Variants in B3GALT5 observed in about 807,000 individuals in gnomAD.
The protein encoded by B3GALT5 is UDP-Gal:betaGlcNAc beta 1,3-galactosyltransferase, polypeptide 5.
For missense variants in B3GALT5, 328 were observed against 396.6 expected (o/e 0.83, Z 1.47); for synonymous variants, 156 against 158.6 (o/e 0.98, Z 0.12).
At position 39,651,236 on chromosome 21, in the gene B3GALT5, C is replaced by T. The variant is rs938485084; in HGVS notation, c.-161+4614C>T. 3.9e-5 allele frequency among the ~76,000 whole-genome samples: 6 copies of T among 152,202 alleles called. No individual in the cohort carries two copies. The East Asian group carries it at 7.7e-4, about 20-fold the overall frequency. ...ATATAGGCACTGTCTTAGTTCCCTG[C>T]GGCTGTGGTAACAAAGCGCCTCAAA... On this transcript the variant is annotated intron_variant, in intron 2 of 3. Transcript: ENST00000684187.
At chr21:39,643,101 G>A (rs2079304618) in intron 1 of B3GALT5, among the ~76,000 whole-genome samples, 1 of 151,568 alleles carries the variant, frequency 6.6e-6, no homozygotes, top group African/African-American at 2.4e-5. Context: ...GATAGACACA[G>A]TGGGGAGGGG....
intron 1 of B3GALT5, among the ~76,000 whole-genome samples, chr21:39,638,654 C>A (rs907851372): frequency 3.1e-4 from 47 of 152,194 alleles, no homozygotes; most frequent in Non-Finnish European, 4.4e-5. Flanking sequence ...AGGGGTCTAA[C>A]TGAGCTAACA....
Position 39,661,104 on chromosome 21 carries a change from G to T in B3GALT5, c.545G>T (p.Gly182Val), listed in dbSNP as rs781050314. 6.2e-7 allele frequency: 1 copy of T among 1,614,072 alleles called. No homozygotes were observed. Among genetic ancestry groups the T allele is most frequent in the East Asian group, 2.2e-5 (1 of 44,880 alleles). ...AACAGAACAACCAGGTTTTTCACTG[G>T]CTTCTTGAAACTCAATGAGTTTCCC... ...KKNRTTRFFT[G>V]FLKLNEFPIR... is the part of the protein sequence containing the mutation. Residue 182 changes from glycine (G) to valine (V), a missense_variant, in exon 4 of 4, where the codon GGC (glycine) becomes GTC (valine). Transcript: ENST00000684187. This position sits in a 1 kb window ranked among gnomAD's most constrained non-coding sequence, Gnocchi z 4.7.
At chr21:39,647,264 A>C (rs1481690812) in intron 2 of B3GALT5, among the ~76,000 whole-genome samples, 1 of 152,240 alleles carries the variant, frequency 6.6e-6, no homozygotes, top group Non-Finnish European at 1.5e-5. Flanking sequence ...CTTGTTTGTC[A>C]AGAACAAATT....
intron 1 of B3GALT5, among the ~76,000 whole-genome samples, chr21:39,639,343 T>TTTCC (rs1569212145): frequency 1.2e-5 from 1 of 86,828 alleles, no homozygotes; most frequent in African/African-American, 4.5e-5. Context: ...TCTTTCTTTC[T>TTTCC]TTCTTTCCTT....
At chr21:39,645,758 A>G (rs188011355) in intron 1 of B3GALT5, among the ~76,000 whole-genome samples, 50 of 152,278 alleles carry the variant, frequency 3.3e-4, no homozygotes, top group African/African-American at 1.2e-3. Flanking sequence ...AACCTTTGAG[A>G]AACACCACAC....
intron 1 of B3GALT5, among the ~76,000 whole-genome samples, chr21:39,643,932 C>G (rs994944565): frequency 3.3e-5 from 5 of 152,218 alleles, no homozygotes; most frequent in Non-Finnish European, 5.9e-5. Flanking sequence ...ACTGATAGTT[C>G]TGTCAATCAA....
At chr21:39,625,710 G>A (rs763787637) in intron 1 of B3GALT5, among the ~76,000 whole-genome samples, 17 of 152,178 alleles carry the variant, frequency 1.1e-4, no homozygotes, top group Admixed American at 3.3e-4. Context: ...CCGCAGGGGC[G>A]CACACAGGGA....
At chr21:39,645,740 G>C (rs1187961878) in intron 1 of B3GALT5, among the ~76,000 whole-genome samples, 1 of 152,164 alleles carries the variant, frequency 6.6e-6, no homozygotes, top group Non-Finnish European at 1.5e-5. Flanking sequence ...CCCTGTTCCA[G>C]TTGGGACAAC....
At chr21:39,642,553 TTTTG>T (rs763794551) in intron 1 of B3GALT5, among the ~76,000 whole-genome samples, 6 of 152,234 alleles carry the variant, frequency 3.9e-5, no homozygotes, top group Admixed American at 6.5e-5. Context: ...CAAGTTTCTT[TTTTG>T]TTTGTTTGTT....
chr21:39,636,854 A>C (rs1053029060), intron 1 of B3GALT5, among the ~76,000 whole-genome samples: 4 of 152,136 alleles, frequency 2.6e-5, no homozygotes, highest in Non-Finnish European at 5.9e-5. Context: ...AGCAGAGCAC[A>C]CAGAGCATGC....
At chr21:39,651,311 G>T (rs776354324) in intron 2 of B3GALT5, among the ~76,000 whole-genome samples, 17 of 152,202 alleles carry the variant, frequency 1.1e-4, no homozygotes, top group Non-Finnish European at 2.2e-4. Context: ...TCTGGAGGCT[G>T]GAAGTCTGAG....
chr21:39,652,226 C>T (rs993442169), intron 2 of B3GALT5, among the ~76,000 whole-genome samples: 15 of 152,224 alleles, frequency 9.9e-5, no homozygotes, highest in African/African-American at 3.6e-4. Context: ...TTGAGGCACT[C>T]AGCACCTTCG....
chr21:39,654,098 G>T (rs1409196838), intron 2 of B3GALT5, among the ~76,000 whole-genome samples: 1 of 152,198 alleles, frequency 6.6e-6, no homozygotes, highest in Non-Finnish European at 1.5e-5. Flanking sequence ...GGAATGATTT[G>T]CTAGATCATA....
chr21:39,632,836 G>A (rs996095858), intron 1 of B3GALT5, among the ~76,000 whole-genome samples: 3 of 152,144 alleles, frequency 2.0e-5, no homozygotes, highest in East Asian at 1.9e-4. Context: ...GATGGAGCCC[G>A]GGGATGCAGG....
At chr21:39,642,930 C>T (rs367706475) in intron 1 of B3GALT5, among the ~76,000 whole-genome samples, 8 of 150,884 alleles carry the variant, frequency 5.3e-5, no homozygotes, top group East Asian at 1.9e-4. Context: ...TGTGTGCCTT[C>T]GATCCCAGCT....
At chr21:39,626,360 G>A (rs1033137100) in intron 1 of B3GALT5, among the ~76,000 whole-genome samples, 6 of 152,082 alleles carry the variant, frequency 3.9e-5, no homozygotes, top group Admixed American at 2.0e-4. Flanking sequence ...TTCACCTTTT[G>A]GCTATTGTGA....
At position 39,669,170 on chromosome 21, in the gene B3GALT5, G is replaced by T. The variant is rs141501081; in HGVS notation, c.*7678G>T. ...CTGTTCGTGACATTCTTCACAATCAGAGCACTGTGTTCTTGACCCTCTTAA... is the reference window on the plus strand; with the variant it reads ...CTGTTCGTGACATTCTTCACAATCATAGCACTGTGTTCTTGACCCTCTTAA... On this transcript the variant is annotated 3_prime_UTR_variant, in exon 4 of 4. Coordinates refer to ENST00000684187, the MANE Select transcript of B3GALT5 (RefSeq NM_001356336.2). The T allele has an allele frequency of 8.7e-4, 133 of 152,320 alleles. 4 individuals are homozygous for T. The highest frequency in any genetic ancestry group is 3.1e-3 in the African/African-American group (128 of 41,568). 9.4% of individuals were successfully genotyped at this position (152,320 alleles called of 1,614,324 possible).
chr21:39,657,743 A>G lies in B3GALT5; in HGVS notation c.-160-2010A>G, dbSNP rs1347276680. ...TATCTTTTGATTAATCTACCTATCAATCTTTCTATCTATCCATAACCTGTT... is the reference window on the plus strand; with the variant it reads ...TATCTTTTGATTAATCTACCTATCAGTCTTTCTATCTATCCATAACCTGTT... On this transcript the variant is annotated intron_variant, in intron 2 of 3. Coordinates refer to ENST00000684187, the MANE Select transcript of B3GALT5 (RefSeq NM_001356336.2). 16 of 724,534 alleles carry G rather than the reference A, an allele frequency of 2.2e-5. 1 individual carries two copies. The highest frequency in any genetic ancestry group is 1.3e-4 in the African/African-American group (7 of 54,772). The allele number at this position is 724,534 out of a possible 1,614,324, so 44.9% of individuals were successfully genotyped here.
Sources: gnomAD v4.1 joint callset for allele counts (sites outside exome capture counted in the v4.1 genomes callset) on GRCh38, gnomAD v4.1.1 for gene constraint, Gnocchi (gnomAD v3.1) non-coding constraint, MANE v1.5 for transcripts, NCBI Gene and HGNC (gene_info 2026-07-23, HGNC 2026-07-21) for gene names.